POU2AF3: variants seen among roughly 807,000 people sequenced by gnomAD.
POU2AF3 encodes cancer susceptibility candidate 13.
At chr11:111,301,616 T>C in the POU2AF3 span, among the ~76,000 whole-genome samples, 2 of 152,226 alleles carry the variant, frequency 1.3e-5, no homozygotes, top group African/African-American at 2.4e-5. Flanking sequence ...CAGAACCAGA[T>C]GGACTGGGCT....
chr11:111,299,509 A>C, the POU2AF3 span: 1 of 1,146,440 alleles, frequency 8.7e-7, no homozygotes, highest in Non-Finnish European at 1.1e-6. Context: ...GGTCCCTCCC[A>C]GCGAACCCCT....
At chr11:111,300,438 G>T in the POU2AF3 span, 1 of 458,590 alleles carries the variant, frequency 2.2e-6, no homozygotes, top group Non-Finnish European at 3.5e-6. Context: ...ACTTGGCTTT[G>T]GGTGCCATAG....
the POU2AF3 span, chr11:111,308,121 G>A: frequency 6.5e-7 from 1 of 1,547,558 alleles, no homozygotes; most frequent in Non-Finnish European, 8.7e-7. Flanking sequence ...TTAGACTACA[G>A]TTACTCGCCA....
At chr11:111,299,236 C>G in the POU2AF3 span, 4 of 984,654 alleles carry the variant, frequency 4.1e-6, no homozygotes, top group East Asian at 4.5e-4. Flanking sequence ...CCAGGCGAGG[C>G]GCTGGCATCC....
At chr11:111,302,689 C>T in the POU2AF3 span, among the ~76,000 whole-genome samples, 2 of 152,208 alleles carry the variant, frequency 1.3e-5, no homozygotes, top group African/African-American at 2.4e-5. Context: ...TAGGAACAGG[C>T]AGAGTAAAGC....
the POU2AF3 span, chr11:111,298,951 G>A: frequency 1.9e-6 from 2 of 1,025,702 alleles, no homozygotes; most frequent in Non-Finnish European, 2.3e-6. Context: ...GGGGCAGAGC[G>A]CACCGACTGC....
the POU2AF3 span, among the ~76,000 whole-genome samples, chr11:111,304,623 T>C: frequency 6.6e-6 from 1 of 152,206 alleles, no homozygotes; most frequent in Non-Finnish European, 1.5e-5. Flanking sequence ...TTAAAAGGAT[T>C]ATAAACGTCA....
At chr11:111,299,129 G>A in the POU2AF3 span, 110 of 955,846 alleles carry the variant, frequency 1.2e-4, no homozygotes, top group Non-Finnish European at 1.4e-4. Flanking sequence ...CTGGGTCCGG[G>A]CTAGGAAGAG....
the POU2AF3 span, chr11:111,298,572 G>T: frequency 4.7e-5 from 59 of 1,246,422 alleles, no homozygotes; most frequent in South Asian, 6.6e-4. Context: ...CCCAGCTCCT[G>T]CTGACCACGA....
chr11:111,306,494 C>T, the POU2AF3 span: 3,814 of 1,532,604 alleles, frequency 2.5e-3, 68 homozygotes, highest in African/African-American at 0.047. Flanking sequence ...CAAGCTGCCT[C>T]GACCAGATCT....
At chr11:111,299,444 C>T in the POU2AF3 span, 3 of 1,049,518 alleles carry the variant, frequency 2.9e-6, no homozygotes, top group Non-Finnish European at 3.4e-6. Flanking sequence ...CCAACCTACT[C>T]ACTGCGGCTT....
chr11:111,298,826 G>GCCGCC, the POU2AF3 span: 45 of 790,946 alleles, frequency 5.7e-5, no homozygotes, highest in Middle Eastern at 4.3e-4. Flanking sequence ...CGTACCCCAG[G>GCCGCC]CCCCCGCCCG....
the POU2AF3 span, chr11:111,308,472 A>G: frequency 2.7e-5 from 41 of 1,503,328 alleles, no homozygotes; most frequent in South Asian, 4.0e-5. Context: ...TGGCATGGGT[A>G]TATCTATTTT....
chr11:111,306,678 T>C, the POU2AF3 span: 20 of 1,335,786 alleles, frequency 1.5e-5, no homozygotes, highest in Non-Finnish European at 2.1e-5. Flanking sequence ...GGGGTAATAG[T>C]GCTTTGTGAG....
At chr11:111,306,181 G>A in the POU2AF3 span, among the ~76,000 whole-genome samples, 2 of 152,118 alleles carry the variant, frequency 1.3e-5, no homozygotes, top group Non-Finnish European at 2.9e-5. Context: ...CAGTTTTACA[G>A]CCAGTTTCCA....
chr11:111,304,081 C>A, the POU2AF3 span, among the ~76,000 whole-genome samples: 1 of 151,938 alleles, frequency 6.6e-6, no homozygotes, highest in Non-Finnish European at 1.5e-5. Context: ...GAATAATTCC[C>A]GACCATTAAC....
chr11:111,308,347 G>A, the POU2AF3 span: 56 of 1,551,692 alleles, frequency 3.6e-5, no homozygotes, highest in African/African-American at 4.1e-5. Context: ...ACTTCTACCC[G>A]AGCACAGACT....
chr11:111,308,242 C>T, the POU2AF3 span: 96 of 1,551,688 alleles, frequency 6.2e-5, no homozygotes, highest in Middle Eastern at 1.7e-4. Context: ...TGTCCTCACA[C>T]GCCCAGTACA....
the POU2AF3 span, among the ~76,000 whole-genome samples, chr11:111,307,523 T>C: frequency 6.6e-6 from 1 of 152,198 alleles, no homozygotes; most frequent in Admixed American, 6.5e-5. Flanking sequence ...TCAGTAACAA[T>C]TGTAGACTTG....
Sources: gnomAD v4.1 joint callset for allele counts (sites outside exome capture counted in the v4.1 genomes callset) on GRCh38, gnomAD v4.1.1 for gene constraint, MANE v1.5 for transcripts, NCBI Gene and HGNC (gene_info 2026-07-23, HGNC 2026-07-21) for gene names.